Variants in CACNA1D observed in about 807,000 individuals in gnomAD.
The protein encoded by CACNA1D is voltage-dependent L-type calcium channel subunit alpha-1D.
A neutral mutation model predicts 257.1 loss-of-function variants in CACNA1D; 55 were observed. The ratio of observed to expected loss-of-function variants is 0.21; its 90% CI spans 0.17 to 0.27. The LOEUF (loss-of-function observed/expected upper bound fraction) is 0.27. Among genes scored for constraint, CACNA1D ranks in the 10% least tolerant of loss-of-function variants. The pLI, the probability that CACNA1D is intolerant of heterozygous loss-of-function variation, is 1.00. For synonymous variants in CACNA1D, 980 were observed against 1,014.9 expected, an observed-to-expected ratio of 0.97 and a Z score of 0.65; for missense variants, 1,876 against 2,784.0, an observed-to-expected ratio of 0.67 and a Z score of 7.34.
chr3:53,514,893 C>T (rs577110704), intron 3 of CACNA1D, among the ~76,000 whole-genome samples: 1 of 152,318 alleles, frequency 6.6e-6, no homozygotes, highest in Admixed American at 6.5e-5. Context: ...GCTAGTGCAT[C>T]TGTCCCACCG....
chr3:53,631,372 C>T (rs920524600), intron 3 of CACNA1D, among the ~76,000 whole-genome samples: 1 of 152,338 alleles, frequency 6.6e-6, no homozygotes, highest in East Asian at 1.9e-4. Context: ...AGCAACCCCT[C>T]ATTTATTCAA....
chr3:53,574,675 A>C (rs2093005421), intron 3 of CACNA1D, among the ~76,000 whole-genome samples: 1 of 135,956 alleles, frequency 7.4e-6, no homozygotes, highest in African/African-American at 2.8e-5. Context: ...GCACACTCAC[A>C]CCCCCCAGCA....
In CACNA1D at chr3:53,761,745, AGTGT is replaced by A. The variant is rs111473773; in HGVS notation, c.3787-236_3787-233del. ...TGGTTTGGTGCCACTCAGGACCGTG[AGTGT>A]GTGTGTGTGTGTGTGTATGCACACG... On this transcript the variant is annotated intron_variant, in intron 29 of 47. Transcript: ENST00000350061. Among the ~76,000 whole-genome samples the A allele has an allele frequency of 1.7e-3, 251 of 150,174 alleles. 1 individual carries two copies. Among genetic ancestry groups the A allele is most frequent in the African/African-American group, 2.3e-3 (93 of 40,984 alleles).
chr3:53,780,308 A>G (rs1382673089), intron 38 of CACNA1D, among the ~76,000 whole-genome samples, 180 bp downstream of exon 38: 1 of 152,178 alleles, frequency 6.6e-6, no homozygotes, highest in Non-Finnish European at 1.5e-5. Context: ...CTGTTTCCTC[A>G]TCCTTTATCT....
chr3:53,521,223 G>A (rs1475300741), intron 3 of CACNA1D, among the ~76,000 whole-genome samples: 3 of 151,856 alleles, frequency 2.0e-5, no homozygotes, highest in Non-Finnish European at 4.4e-5. Flanking sequence ...AAAAATTTTT[G>A]TAGAGATGGG....
intron 33 of CACNA1D, among the ~76,000 whole-genome samples, chr3:53,773,250 G>A (rs1029503114): frequency 6.6e-6 from 1 of 152,122 alleles, no homozygotes; most frequent in Non-Finnish European, 1.5e-5. Flanking sequence ...AGTCTGTGCC[G>A]AGCCGTCGCG....
intron 3 of CACNA1D, among the ~76,000 whole-genome samples, chr3:53,566,132 A>G (rs2092831091): frequency 6.6e-6 from 1 of 152,214 alleles, no homozygotes; most frequent in Non-Finnish European, 1.5e-5. Flanking sequence ...TTTCTAGACA[A>G]TGGGAAGACA....
intron 10 of CACNA1D, 137 bp downstream of exon 10, chr3:53,718,525 C>G: frequency 9.7e-7 from 1 of 1,027,078 alleles, no homozygotes; most frequent in Non-Finnish European, 1.5e-6. Flanking sequence ...CCTCGTACCC[C>G]ACGCCACGCT....
At position 53,673,741 on chromosome 3, in the gene CACNA1D, C is replaced by T; in HGVS notation, c.1220+615C>T. 6.2e-7 allele frequency: 1 copy of T among 1,613,464 alleles called. No homozygotes were observed. The highest frequency in any genetic ancestry group is 1.7e-4 in the Middle Eastern group (1 of 6,060). On this transcript the variant is annotated intron_variant, in intron 8 of 47. Transcript: ENST00000350061. The surrounding 1 kb of genome is among the most constrained non-coding windows in gnomAD (Gnocchi z 4.1). ...AATGATGCGATAGGATGGGAATGGC[C>T]ATGGGTGTATTTTGTTAGTCTGATC...
In CACNA1D at chr3:53,725,730, C is replaced by T. The variant is rs544059797; in HGVS notation, c.2101-1149C>T. On this transcript the variant is annotated intron_variant, in intron 14 of 47. Transcript: ENST00000350061. The stretch of plus-strand genomic sequence containing the variant: ...CTATGACTCAGAGCCATCAGTAGTG[C>T]CTTTTCTGTGAATTACTTTATCTTT... Among the ~76,000 whole-genome samples the T allele has an allele frequency of 1.4e-4, 21 of 152,282 alleles. No homozygotes were observed. The South Asian group carries it at 4.1e-3, about 30-fold the overall frequency.
intron 27 of CACNA1D, among the ~76,000 whole-genome samples, chr3:53,750,435 G>T (rs2095215248): frequency 6.6e-6 from 1 of 152,226 alleles, no homozygotes. Flanking sequence ...TCGCAAGCAA[G>T]AATGATCTGG....
Position 53,747,781 on chromosome 3 carries a change from C to CCATTCATTCATT in CACNA1D, c.3314+359_3314+370dup, listed in dbSNP as rs3082680. 2.2e-3 allele frequency among the ~76,000 whole-genome samples: 332 copies of CCATTCATTCATT among 150,612 alleles called. 3 individuals are homozygous for CCATTCATTCATT. The highest frequency in any genetic ancestry group is 7.7e-3 in the African/African-American group (316 of 41,010). ...AAGAGGGTCTGAATGGTGTCCCAAACCATTCATTCATTCATTCATTCATTC... is the reference window on the plus strand; with the variant it reads ...AAGAGGGTCTGAATGGTGTCCCAAACCATTCATTCATTCATTCATTCATTCATTCATTCATTC... On this transcript the variant is annotated intron_variant, in intron 26 of 47. Coordinates refer to ENST00000350061, the MANE Select transcript of CACNA1D (RefSeq NM_001128840.3).
At position 53,579,793 on chromosome 3, in the gene CACNA1D, T is replaced by C. The variant is rs549362949; in HGVS notation, c.484-70986T>C. Among the ~76,000 whole-genome samples the C allele has an allele frequency of 3.4e-4, 52 of 152,264 alleles. No homozygotes were observed. In the South Asian group the frequency reaches 1.0e-2, roughly 29 times the overall value. On this transcript the variant is annotated intron_variant, in intron 3 of 47. Transcript: ENST00000350061. ...GGTGTGATCCCCTCCTACTGTGCAC[T>C]GTTTCCTGTCTGGCACAGACACAGG...
At position 53,800,350 on chromosome 3, in the gene CACNA1D, A is replaced by T. The variant is rs773267216; in HGVS notation, c.5025A>T (p.Glu1675Asp). The T allele has an allele frequency of 4.4e-6, 7 of 1,607,364 alleles. No individual in the cohort carries two copies. The highest frequency in any genetic ancestry group is 2.7e-5 in the African/African-American group (2 of 74,842). The change falls in exon 41 of 48, where the codon GAA becomes GAT. Residue 1675 changes from glutamate (E) to aspartate (D), a missense_variant. Physicochemically the swap from Glu to Asp is conservative, Grantham distance 45 (BLOSUM62 2). Around this residue, in one of 10 missense-constraint regions of CACNA1D, gnomAD observed 160 missense variants for 236.6 expected, o/e 0.68. Transcript: ENST00000350061. The surrounding 1 kb of genome is among the most constrained non-coding windows in gnomAD (Gnocchi z 4.3). The stretch of plus-strand genomic sequence containing the variant: ...CTGAGGAAACAAAACGAGAAGAAGA[A>T]GATGATGTGTTCAAAGTAATTATTC... ...DEPEETKREEEDDVFKRNGAL... is the reference protein window; with the variant it reads ...DEPEETKREEDDDVFKRNGAL...
At chr3:53,664,637 C>T (rs1333508206) in intron 5 of CACNA1D, among the ~76,000 whole-genome samples, 1 of 151,820 alleles carries the variant, frequency 6.6e-6, no homozygotes, top group Non-Finnish European at 1.5e-5. Context: ...AGTTGCCTCT[C>T]TCCCATGCCC....
At chr3:53,575,673 C>T (rs1311419727) in intron 3 of CACNA1D, among the ~76,000 whole-genome samples, 2 of 151,982 alleles carry the variant, frequency 1.3e-5, no homozygotes, top group Non-Finnish European at 2.9e-5. Context: ...TCCCTTCATG[C>T]GGTTGTTACT....
chr3:53,651,366 CTTTT>C lies in CACNA1D; in HGVS notation c.623+467_623+470del, dbSNP rs779207160. Among the ~76,000 whole-genome samples, 799 of 81,836 alleles carry C rather than the reference CTTTT, an allele frequency of 9.8e-3. 8 individuals carry two copies. Among genetic ancestry groups the C allele is most frequent in the African/African-American group, 0.022 (496 of 22,542 alleles). The allele number at this position is 81,836 out of a possible 152,430, so 53.7% of individuals were successfully genotyped here. Reference sequence around the variant, plus strand: ...TCCCTTGAGCAAAGCTATTAATTTTCTTTTTTTTTTTTTTTTTTTTTTGCTGACT... The same window carrying C: ...TCCCTTGAGCAAAGCTATTAATTTTCTTTTTTTTTTTTTTTTTTGCTGACT... On this transcript the variant is annotated intron_variant, in intron 4 of 47. Coordinates refer to ENST00000350061, the MANE Select transcript of CACNA1D (RefSeq NM_001128840.3).
At chr3:53,718,601 C>CCCCCCCAAAAA in intron 10 of CACNA1D, 1 of 1,103,200 alleles carries the variant, frequency 9.1e-7, no homozygotes, top group Non-Finnish European at 1.3e-6. Context: ...CCCCCCGGCC[C>CCCCCCCAAAAA]AGCATTTCAC....
At chr3:53,801,037 T>G in intron 41 of CACNA1D, 21 bp from the exon 42 acceptor site, 3 of 1,613,140 alleles carry the variant, frequency 1.9e-6, no homozygotes, top group Non-Finnish European at 2.5e-6. Context: ...TTACCTGGTG[T>G]TGTCTCCCAT....
Sources: allele counts gnomAD v4.1 joint callset (sites outside exome capture counted in the v4.1 genomes callset), GRCh38; gene constraint gnomAD v4.1.1; regional missense constraint gnomAD v4.1.1; non-coding constraint Gnocchi (gnomAD v3.1); transcripts MANE v1.5; gene names NCBI Gene and HGNC (gene_info 2026-07-23, HGNC 2026-07-21).